The following WWC2 variants were observed in gnomAD, a reference collection of about 807,000 sequenced individuals.
The protein encoded by WWC2 is WW and C2 domain containing 2.
Under a neutral mutation model 138.5 loss-of-function variants are expected in WWC2, and 101 were observed. The ratio of observed to expected loss-of-function variants is 0.73; its 90% CI spans 0.62 to 0.86. The LOEUF (loss-of-function observed/expected upper bound fraction) is 0.86, where lower values mean the gene tolerates loss of function less well. Ranked by LOEUF, WWC2 falls within the 40% of genes least tolerant of loss-of-function variation. The probability of loss-of-function intolerance (pLI) is 0.00; values close to 1 mark genes in which losing one functional copy is unlikely to be tolerated. For synonymous variants in WWC2, 558 were observed against 538.4 expected (o/e 1.04, Z -0.50); for missense variants, 1,420 against 1,419.4 (o/e 1.00, Z -0.01).
intron 1 of WWC2, among the ~76,000 whole-genome samples, chr4:183,139,764 C>T (rs1314695679): frequency 2.0e-5 from 3 of 152,222 alleles, no homozygotes; most frequent in Non-Finnish European, 4.4e-5. Flanking sequence ...CCCCCGTCAT[C>T]TGCCACCATA....
At chr4:183,104,286 A>AT (rs1316545105) in intron 1 of WWC2, among the ~76,000 whole-genome samples, 2 of 152,216 alleles carry the variant, frequency 1.3e-5, no homozygotes, top group Non-Finnish European at 2.9e-5. Context: ...TGTTAAATAA[A>AT]TGTTGGTTAA....
intron 2 of WWC2, among the ~76,000 whole-genome samples, chr4:183,206,528 G>A (rs987199916): frequency 3.3e-5 from 5 of 152,174 alleles, no homozygotes; most frequent in African/African-American, 4.8e-5. Context: ...ACACAGAAAA[G>A]TGCATAGACT....
At chr4:183,211,247 G>A (rs773943648) in intron 4 of WWC2, among the ~76,000 whole-genome samples, 3 of 152,182 alleles carry the variant, frequency 2.0e-5, no homozygotes, top group Non-Finnish European at 4.4e-5. Context: ...AGGAGGCCAA[G>A]GTGGGAGGAT....
intron 1 of WWC2, among the ~76,000 whole-genome samples, chr4:183,165,031 C>T (rs1254577895): frequency 6.6e-6 from 1 of 152,184 alleles, no homozygotes; most frequent in African/African-American, 2.4e-5. Context: ...GATTAACAAT[C>T]ATTACCTCTA....
chr4:183,283,237 G>T (rs753147615), intron 18 of WWC2, among the ~76,000 whole-genome samples: 4 of 152,288 alleles, frequency 2.6e-5, no homozygotes, highest in African/African-American at 7.2e-5. Context: ...GTCAAGTTCC[G>T]TATATGTAGT....
intron 1 of WWC2, among the ~76,000 whole-genome samples, chr4:183,104,057 T>A (rs1743275487): frequency 6.6e-6 from 1 of 151,724 alleles, no homozygotes; most frequent in Non-Finnish European, 1.5e-5. Flanking sequence ...CCTCCTGGGT[T>A]CAAGTGATTC....
chr4:183,156,184 C>T (rs755624360), intron 1 of WWC2, among the ~76,000 whole-genome samples: 8 of 151,942 alleles, frequency 5.3e-5, no homozygotes, highest in Non-Finnish European at 1.0e-4. Flanking sequence ...CGCTACCACA[C>T]CTGGCTAATT....
chr4:183,159,751 A>G (rs1470111385), intron 1 of WWC2, among the ~76,000 whole-genome samples: 1 of 151,512 alleles, frequency 6.6e-6, no homozygotes, highest in Non-Finnish European at 1.5e-5. Context: ...ATTGTTTACA[A>G]TACATTAATT....
intron 21 of WWC2, among the ~76,000 whole-genome samples, chr4:183,291,574 G>A (rs1738451447): frequency 6.6e-6 from 1 of 152,138 alleles, no homozygotes; most frequent in South Asian, 2.1e-4. Flanking sequence ...GCCTTCCAAA[G>A]CTGAATTGGA....
intron 1 of WWC2, among the ~76,000 whole-genome samples, chr4:183,112,543 C>T (rs1207666495): frequency 6.6e-6 from 1 of 152,228 alleles, no homozygotes; most frequent in African/African-American, 2.4e-5. Context: ...CTCAGTCACT[C>T]ATTCATTCAT....
At chr4:183,175,734 A>C (rs912876990) in intron 1 of WWC2, among the ~76,000 whole-genome samples, 1 of 152,294 alleles carries the variant, frequency 6.6e-6, no homozygotes, top group African/African-American at 2.4e-5. Context: ...GCACCTATAG[A>C]AAAAGATAAA....
In WWC2 at chr4:183,114,665, T is replaced by TA. The variant is rs1452341492; in HGVS notation, c.131+15044dup. ...TGGTTTATTTGTTTTCACTGGAACA[T>TA]ACCTTTTTTTTTTTCTTCCAACGTT... On this transcript the variant is annotated intron_variant, in intron 1 of 22. Coordinates refer to ENST00000403733, the MANE Select transcript of WWC2 (RefSeq NM_024949.6). Among the ~76,000 whole-genome samples the TA allele has an allele frequency of 3.3e-5, 4 of 121,556 alleles. No individual in the cohort carries two copies. In the East Asian group the frequency reaches 8.8e-4, roughly 27 times the overall value. 79.7% of individuals were successfully genotyped at this position (121,556 alleles called of 152,430 possible).
At chr4:183,270,385 T>G (rs1311728610) in intron 15 of WWC2, among the ~76,000 whole-genome samples, 1 of 152,232 alleles carries the variant, frequency 6.6e-6, no homozygotes, top group Non-Finnish European at 1.5e-5. Flanking sequence ...TGATGTCTTA[T>G]TCAAGAACCA....
intron 21 of WWC2, among the ~76,000 whole-genome samples, chr4:183,295,751 G>A (rs1328571466): frequency 1.3e-5 from 2 of 152,178 alleles, no homozygotes; most frequent in African/African-American, 2.4e-5. Flanking sequence ...ATGGCAGCGC[G>A]AGAGGAAAGG....
chr4:183,222,772 A>G (rs1735968386), intron 4 of WWC2, among the ~76,000 whole-genome samples: 1 of 152,128 alleles, frequency 6.6e-6, no homozygotes, highest in African/African-American at 2.4e-5. Flanking sequence ...AGACTGGCCA[A>G]CGTGGTGAAA....
intron 1 of WWC2, among the ~76,000 whole-genome samples, chr4:183,187,100 C>T (rs1347497030): frequency 6.6e-6 from 1 of 152,122 alleles, no homozygotes; most frequent in East Asian, 1.9e-4. Context: ...CTTGGCTGTC[C>T]TCACCTTGGC....
chr4:183,298,522 T>TG (rs1211320321), intron 21 of WWC2, among the ~76,000 whole-genome samples: 2 of 152,188 alleles, frequency 1.3e-5, no homozygotes, highest in African/African-American at 4.8e-5. Flanking sequence ...TAGATGCTGT[T>TG]GTGGCTTCAC....
chr4:183,280,788 G>A lies in WWC2; in HGVS notation c.2575G>A (p.Ala859Thr), dbSNP rs1427378232. 1 of 1,603,988 alleles carries A rather than the reference G, an allele frequency of 6.2e-7. No homozygotes were observed. Among genetic ancestry groups the A allele is most frequent in the African/African-American group, 1.3e-5 (1 of 74,774 alleles). Residue 859 changes from alanine to threonine, a missense_variant, in exon 17 of 23, where the codon GCC (alanine) becomes ACC (threonine). By Grantham distance (58) the Ala-to-Thr change is moderately conservative. Transcript: ENST00000403733. Reference protein sequence around the residue: ...VDSIDLDAVSALLARTSAELL... With the variant: ...VDSIDLDAVSTLLARTSAELL... Reference sequence around the variant, plus strand: ...TTACATTCTTCAGGATGCAGTGTCAGCCTTACTTGCAAGAACATCAGCTGA... The same window carrying A: ...TTACATTCTTCAGGATGCAGTGTCAACCTTACTTGCAAGAACATCAGCTGA...
At chr4:183,128,774 A>G (rs575555515) in intron 1 of WWC2, among the ~76,000 whole-genome samples, 5 of 152,300 alleles carry the variant, frequency 3.3e-5, no homozygotes, top group South Asian at 2.1e-4. Context: ...TTGTCCTCCA[A>G]CTGTTTTCAG....
Sources: gnomAD v4.1 joint callset for allele counts (sites outside exome capture counted in the v4.1 genomes callset) on GRCh38, gnomAD v4.1.1 for gene constraint, MANE v1.5 for transcripts, NCBI Gene and HGNC (gene_info 2026-07-23, HGNC 2026-07-21) for gene names.